The following RPS6KA2 variants were observed in gnomAD, a reference collection of about 807,000 sequenced individuals.
The protein encoded by RPS6KA2 is ribosomal protein S6 kinase alpha-2.
In RPS6KA2, 42 loss-of-function variants were observed where a neutral mutation model predicts 91.8. The ratio of observed to expected loss-of-function variants is 0.46; its 90% CI spans 0.36 to 0.59. The LOEUF (loss-of-function observed/expected upper bound fraction) is 0.59, where lower values mean the gene tolerates loss of function less well. RPS6KA2 is among the 20% of genes least tolerant of loss of function. The probability of loss-of-function intolerance (pLI) is 0.00; values close to 1 mark genes in which losing one functional copy is unlikely to be tolerated. For synonymous variants in RPS6KA2, 414 were observed against 393.6 expected, an observed-to-expected ratio of 1.05 and a Z score of -0.61; for missense variants, 798 against 978.5, an observed-to-expected ratio of 0.82 and a Z score of 2.46.
At chr6:166,843,073 T>G (rs984970058) in intron 2 of RPS6KA2, among the ~76,000 whole-genome samples, 9 of 152,146 alleles carry the variant, frequency 5.9e-5, no homozygotes, top group African/African-American at 2.2e-4. Context: ...CCTTTAGGAC[T>G]GTGGGCTGCA....
chr6:166,648,036 G>A lies in RPS6KA2; in HGVS notation c.124-109252C>T, dbSNP rs1582983436. On this transcript the variant is annotated intron_variant, in intron 2 of 21. Transcript: ENST00000503859. This position sits in a 1 kb window ranked among gnomAD's most constrained non-coding sequence, Gnocchi z 4.8. ...TGCTTACACACATACATACACACAT[G>A]CTCTCACACACATGCACATGCTCAC... 2.2e-5 allele frequency among the ~76,000 whole-genome samples: 2 copies of A among 89,000 alleles called. No individual in the cohort carries two copies. The highest frequency in any genetic ancestry group is 2.4e-4 in the Admixed American group (2 of 8,360). The allele number at this position is 89,000 out of a possible 152,430, so 58.4% of individuals were successfully genotyped here.
At position 166,447,075 on chromosome 6, in the gene RPS6KA2, C is replaced by G. The variant is rs115479548; in HGVS notation, c.1332+1649G>C. 7.4e-3 allele frequency among the ~76,000 whole-genome samples: 1,131 copies of G among 152,310 alleles called. 22 individuals carry two copies. Among genetic ancestry groups the G allele is most frequent in the African/African-American group, 0.025 (1,050 of 41,560 alleles). On this transcript the variant is annotated intron_variant, in intron 14 of 20. Transcript: ENST00000265678. Reference sequence around the variant, plus strand: ...CCCATCTAAGTGCTCCTTTAAAAAACTCTCCCAATGGGATGGAGGAGCAGG... The same window carrying G: ...CCCATCTAAGTGCTCCTTTAAAAAAGTCTCCCAATGGGATGGAGGAGCAGG...
intron 17 of RPS6KA2, among the ~76,000 whole-genome samples, chr6:166,420,774 C>T (rs534286724): frequency 9.9e-5 from 15 of 152,260 alleles, no homozygotes; most frequent in South Asian, 2.1e-4. Context: ...TTCTGGGCTA[C>T]GTGATAACAT....
At chr6:166,744,779 G>A (rs558688712) in intron 2 of RPS6KA2, among the ~76,000 whole-genome samples, 1 of 152,286 alleles carries the variant, frequency 6.6e-6, no homozygotes, top group South Asian at 2.1e-4. Flanking sequence ...GGCGGCGGTG[G>A]GGTCGCGAGC....
At chr6:166,690,224 T>A (rs1192398398) in intron 2 of RPS6KA2, among the ~76,000 whole-genome samples, 1 of 152,160 alleles carries the variant, frequency 6.6e-6, no homozygotes, top group Non-Finnish European at 1.5e-5. Context: ...CCCACAGCTT[T>A]TTCACATAAA....
chr6:166,486,285 C>G (rs1195154604), intron 10 of RPS6KA2, among the ~76,000 whole-genome samples: 4 of 150,332 alleles, frequency 2.7e-5, no homozygotes, highest in Non-Finnish European at 5.9e-5. Context: ...CACGCACACG[C>G]ATGAACACAC....
intron 12 of RPS6KA2, among the ~76,000 whole-genome samples, chr6:166,454,999 G>A (rs1414437690): frequency 6.6e-6 from 1 of 151,278 alleles, no homozygotes; most frequent in East Asian, 1.9e-4. Flanking sequence ...ACACACATAT[G>A]TACAAATTTA....
chr6:166,538,791 GAGA>G lies in RPS6KA2; in HGVS notation c.100-10_100-8del. On this transcript the variant is annotated splice_region_variant and splice_polypyrimidine_tract_variant and intron_variant, in intron 1 of 20. Coordinates refer to ENST00000265678, the MANE Select transcript of RPS6KA2 (RefSeq NM_021135.6). ...CCTTCACGACGCCTTCTTCCTGCAA[GAGA>G]GCGGCACGGGTGAGAAACACACCGC... 1.3e-6 allele frequency: 2 copies of G among 1,492,916 alleles called. No individual in the cohort carries two copies. The highest frequency in any genetic ancestry group is 1.9e-6 in the Non-Finnish European group (2 of 1,070,146). 92.5% of individuals were successfully genotyped at this position (1,492,916 alleles called of 1,614,324 possible). A position where few individuals can be genotyped will look rare whatever the true frequency, so the allele number is the denominator to read the frequency against.
chr6:166,575,721 C>CT (rs1784819367), intron 1 of RPS6KA2, among the ~76,000 whole-genome samples: 1 of 152,180 alleles, frequency 6.6e-6, no homozygotes, highest in African/African-American at 2.4e-5. Flanking sequence ...AATGGGTCCA[C>CT]TGCCTCTTTA....
chr6:166,467,122 A>C (rs28663103), intron 11 of RPS6KA2, among the ~76,000 whole-genome samples: 1 of 151,108 alleles, frequency 6.6e-6, no homozygotes, highest in Non-Finnish European at 1.5e-5. Context: ...TCATTCACTC[A>C]CTCCCTCACT....
intron 2 of RPS6KA2, among the ~76,000 whole-genome samples, chr6:166,741,019 C>T (rs1179151993): frequency 1.3e-5 from 2 of 152,258 alleles, no homozygotes; most frequent in African/African-American, 4.8e-5. Flanking sequence ...CTGCCAGACA[C>T]ATGCAGCAAC....
chr6:166,665,856 G>A lies in RPS6KA2; in HGVS notation c.124-127072C>T, dbSNP rs2128559271. Reference sequence around the variant, plus strand: ...AGAGGCAGAGCTGGATCAGAAGAAGGTGCAGCTCTGCTCAGCACGGCCCCC... The same window carrying A: ...AGAGGCAGAGCTGGATCAGAAGAAGATGCAGCTCTGCTCAGCACGGCCCCC... On this transcript the variant is annotated intron_variant, in intron 2 of 21. Coordinates refer to the RPS6KA2 transcript ENST00000503859. The surrounding 1 kb of genome is among the most constrained non-coding windows in gnomAD (Gnocchi z 4.5). Among the ~76,000 whole-genome samples, 1 of 152,288 alleles carries A rather than the reference G, an allele frequency of 6.6e-6. No individual in the cohort carries two copies. The highest frequency in any genetic ancestry group is 1.9e-4 in the East Asian group (1 of 5,184).
intron 1 of RPS6KA2, among the ~76,000 whole-genome samples, chr6:166,574,323 T>A (rs1784778909): frequency 6.6e-6 from 1 of 152,082 alleles, no homozygotes; most frequent in African/African-American, 2.4e-5. Context: ...CCTTCCCTCC[T>A]CCCCAGCAGC....
intron 1 of RPS6KA2, among the ~76,000 whole-genome samples, chr6:166,545,123 C>T (rs1358960095): frequency 2.0e-5 from 3 of 152,172 alleles, no homozygotes; most frequent in African/African-American, 4.8e-5. Context: ...GTGAGCCTAT[C>T]TACTTGATAG....
chr6:166,544,673 C>G (rs1011823240), intron 1 of RPS6KA2: 24 of 152,316 alleles, frequency 1.6e-4, no homozygotes, highest in Admixed American at 1.4e-3. Flanking sequence ...TCCATTCCAA[C>G]CAGGGCCTAG....
chr6:166,777,621 AG>A (rs1190560659), intron 2 of RPS6KA2, among the ~76,000 whole-genome samples: 1 of 152,268 alleles, frequency 6.6e-6, no homozygotes, highest in Non-Finnish European at 1.5e-5. Flanking sequence ...TAAAGAACAT[AG>A]TAAAAGAAAT....
chr6:166,480,851 T>C (rs187433279), intron 10 of RPS6KA2, among the ~76,000 whole-genome samples: 95 of 152,272 alleles, frequency 6.2e-4, no homozygotes, highest in African/African-American at 1.9e-3. Context: ...GGTTTCGCCA[T>C]GTTGGCCAGG....
chr6:166,581,934 A>G (rs1184352482), intron 1 of RPS6KA2, among the ~76,000 whole-genome samples: 4 of 110,860 alleles, frequency 3.6e-5, no homozygotes, highest in Non-Finnish European at 1.8e-5. Context: ...GCTGGGCAGG[A>G]GGGCACAGGG....
intron 2 of RPS6KA2, among the ~76,000 whole-genome samples, chr6:166,764,287 A>T (rs1778247943): frequency 6.6e-6 from 1 of 152,130 alleles, no homozygotes; most frequent in African/African-American, 2.4e-5. Context: ...GGCAGAGGGA[A>T]GGACACCAGG....
Sources: gnomAD v4.1 joint callset for allele counts (sites outside exome capture counted in the v4.1 genomes callset) on GRCh38, gnomAD v4.1.1 for gene constraint, Gnocchi (gnomAD v3.1) non-coding constraint, MANE v1.5 for transcripts, NCBI Gene and HGNC (gene_info 2026-07-23, HGNC 2026-07-21) for gene names.